ZNF674: variants seen among roughly 807,000 people sequenced by gnomAD.
ZNF674 encodes zinc finger family member 674.
Under a neutral mutation model 7.0 loss-of-function variants are expected in ZNF674, and 2 were observed. The ratio of observed to expected loss-of-function variants is 0.29; its 90% confidence interval spans 0.12 to 0.90. The LOEUF (loss-of-function observed/expected upper bound fraction) is 0.90. ZNF674 is among the 40% of genes least tolerant of loss of function. The pLI is 0.57. For synonymous variants in ZNF674, 103 were observed against 145.2 expected, an observed-to-expected ratio of 0.71 and a Z score of 2.09; for missense variants, 297 against 415.5, an observed-to-expected ratio of 0.71 and a Z score of 2.48.
chrX:46,518,184 C>G (rs1476490352), intron 5 of ZNF674, among the ~76,000 whole-genome samples: 3 of 110,660 alleles, frequency 2.7e-5, no homozygotes, highest in Admixed American at 9.7e-5. Context: ...ACAGAAATGG[C>G]AAAATATATG....
chrX:46,526,199 C>A (rs1296889906), intron 5 of ZNF674, among the ~76,000 whole-genome samples: 1 of 112,095 alleles, frequency 8.9e-6, no homozygotes, highest in African/African-American at 3.2e-5. Context: ...AAAACTCATA[C>A]TTCCTGATTT....
chrX:46,543,928 C>T (rs563900063), intron 2 of ZNF674, among the ~76,000 whole-genome samples: 3 of 112,658 alleles, frequency 2.7e-5, no homozygotes, highest in African/African-American at 9.7e-5. Context: ...TCAGGATGAA[C>T]GGACACTCAG....
At chrX:46,541,630 A>G (rs1030755337) in intron 3 of ZNF674, among the ~76,000 whole-genome samples, 4 of 111,881 alleles carry the variant, frequency 3.6e-5, no homozygotes, top group Non-Finnish European at 7.5e-5. Flanking sequence ...GTTTCACCCA[A>G]CTGTTAACAG....
chrX:46,523,171 T>C, intron 5 of ZNF674: 1 of 229,972 alleles, frequency 4.3e-6, no homozygotes, highest in Non-Finnish European at 8.1e-6. Flanking sequence ...ATAAACACAA[T>C]CAAAAGCTGG....
chrX:46,544,513 C>G lies in ZNF674; in HGVS notation c.-42G>C, dbSNP rs1356261476. 1 of 112,193 alleles carries G rather than the reference C, an allele frequency of 8.9e-6. No individual in the cohort carries two copies. Among genetic ancestry groups the G allele is most frequent in the African/African-American group, 3.2e-5 (1 of 30,853 alleles). 9.2% of individuals were successfully genotyped at this position (112,193 alleles called of 1,213,427 possible). A position where few individuals can be genotyped will look rare whatever the true frequency, so the allele number is the denominator to read the frequency against. Reference sequence around the variant, plus strand: ...CCAGGGAACTCACCTCTTCCTGGGGCCTCAGCCTAAGTCTTCTGCGACTAA... The same window carrying G: ...CCAGGGAACTCACCTCTTCCTGGGGGCTCAGCCTAAGTCTTCTGCGACTAA... On this transcript the variant is annotated 5_prime_UTR_variant, in exon 2 of 6. Coordinates refer to ENST00000683375, the MANE Select transcript of ZNF674 (RefSeq NM_001190417.2).
chrX:46,507,027 A>C (rs1941553120), intron 5 of ZNF674, among the ~76,000 whole-genome samples: 1 of 111,470 alleles, frequency 9.0e-6, no homozygotes, highest in African/African-American at 3.3e-5. Context: ...ACTGGTGATA[A>C]GTATATGGAG....
At chrX:46,525,546 C>T (rs1163411661) in intron 5 of ZNF674, 3 of 111,072 alleles carry the variant, frequency 2.7e-5, no homozygotes, top group South Asian at 3.3e-4. Flanking sequence ...ACCCAGGAGG[C>T]GGAGGTTGTG....
intron 5 of ZNF674, among the ~76,000 whole-genome samples, chrX:46,505,768 T>TCTCACACACACACACACA (rs377176227): frequency 3.0e-5 from 3 of 100,244 alleles, no homozygotes; most frequent in African/African-American, 1.1e-4. Flanking sequence ...CAAAACTCTG[T>TCTCACACACACACACACA]CACACACACA....
intron 3 of ZNF674, among the ~76,000 whole-genome samples, chrX:46,541,064 A>T (rs1362870731): frequency 2.8e-5 from 2 of 72,387 alleles, no homozygotes; most frequent in Non-Finnish European, 5.1e-5. Context: ...AACTCCATTT[A>T]AAAAAAAAAA....
chrX:46,543,047 T>A (rs1050657593), intron 2 of ZNF674, among the ~76,000 whole-genome samples: 1 of 110,666 alleles, frequency 9.0e-6, no homozygotes, highest in Non-Finnish European at 1.9e-5. Flanking sequence ...ACCTCCCGGG[T>A]TCAAGCGATT....
rs1285170862 is a variant in ZNF674 at position 46,497,805 on chromosome X, T to C, written c.*2038A>G. ...TTTTTACACATCAATAATCCCCACA[T>C]TCAAATGCCAATTTACTTAATAATT... On this transcript the variant is annotated 3_prime_UTR_variant, in exon 6 of 6. Coordinates refer to ENST00000683375, the MANE Select transcript of ZNF674 (RefSeq NM_001190417.2). 1 of 111,229 alleles carries C rather than the reference T, an allele frequency of 9.0e-6. No individual in the cohort carries two copies. The highest frequency in any genetic ancestry group is 3.3e-5 in the African/African-American group (1 of 30,626). 9.2% of individuals were successfully genotyped at this position (111,229 alleles called of 1,213,427 possible).
chrX:46,529,360 A>G (rs1942067183), intron 3 of ZNF674: 2 of 139,701 alleles, frequency 1.4e-5, no homozygotes, highest in Non-Finnish European at 2.9e-5. Context: ...AAGTCCTGTG[A>G]CATAAAGATT....
chrX:46,533,829 AAT>A lies in ZNF674; in HGVS notation c.16-4922_16-4921del, dbSNP rs1197442802. On this transcript the variant is annotated intron_variant, in intron 3 of 5. Coordinates refer to ENST00000683375, the MANE Select transcript of ZNF674 (RefSeq NM_001190417.2). The stretch of plus-strand genomic sequence containing the variant: ...CCTGTCTCAAAAAAAAAAAAAAAAA[AAT>A]ATATATATATATATATATATATACA... Among the ~76,000 whole-genome samples, 43 of 65,539 alleles carry A rather than the reference AAT, an allele frequency of 6.6e-4. 1 individual carries two copies. The highest frequency in any genetic ancestry group is 9.8e-4 in the African/African-American group (10 of 10,173). 56.9% of individuals were successfully genotyped at this position (65,539 alleles called of 115,157 possible). A position where few individuals can be genotyped will look rare whatever the true frequency, so the allele number is the denominator to read the frequency against.
At chrX:46,517,805 GAGA>G (rs1395178566) in intron 5 of ZNF674, 1 of 111,807 alleles carries the variant, frequency 8.9e-6, no homozygotes, top group African/African-American at 3.2e-5. Context: ...GAACAATACA[GAGA>G]AGATTAGCAT....
intron 5 of ZNF674, among the ~76,000 whole-genome samples, chrX:46,512,824 C>T (rs1941686150): frequency 9.1e-6 from 1 of 109,502 alleles, no homozygotes; most frequent in Non-Finnish European, 1.9e-5. Context: ...GATTATTTTA[C>T]AATTAAAACT....
chrX:46,503,689 T>G (rs1304598143), intron 5 of ZNF674, among the ~76,000 whole-genome samples: 2 of 111,742 alleles, frequency 1.8e-5, no homozygotes, highest in Non-Finnish European at 3.8e-5. Context: ...GGCAAGATAA[T>G]GCTTATATGC....
intron 5 of ZNF674, among the ~76,000 whole-genome samples, chrX:46,519,239 TAGATAGATAGATAGATAGATAGATA>T (rs1941837575): frequency 2.8e-5 from 2 of 72,417 alleles, no homozygotes; most frequent in Non-Finnish European, 5.4e-5. Flanking sequence ...GATAGATAGA[TAGATAGATAGATAGATAGATAGATA>T]AAGATAGATG....
chrX:46,520,556 G>C (rs1429822984), intron 5 of ZNF674, among the ~76,000 whole-genome samples: 1 of 111,517 alleles, frequency 9.0e-6, no homozygotes, highest in African/African-American at 3.3e-5. Flanking sequence ...ATTGGATAAA[G>C]GGTACATTAC....
At position 46,528,762 on chromosome X, in the gene ZNF674, C is replaced by G. The variant is rs771903990; in HGVS notation, c.142+21G>C. The G allele has an allele frequency of 3.3e-6, 4 of 1,209,310 alleles. No homozygotes were observed. The East Asian group carries it at 1.2e-4, about 36-fold the overall frequency. On this transcript the variant is annotated intron_variant, in intron 4 of 5. Transcript: ENST00000683375. Reference sequence around the variant, plus strand: ...ACAGTACTGGAGGCATTCTGCATCACCCTGTGGCGCGGTCCCTCACCCACG... The same window carrying G: ...ACAGTACTGGAGGCATTCTGCATCAGCCTGTGGCGCGGTCCCTCACCCACG...
Sources: gnomAD v4.1 joint callset for allele counts (sites outside exome capture counted in the v4.1 genomes callset) on GRCh38, gnomAD v4.1.1 for gene constraint, MANE v1.5 for transcripts, NCBI Gene and HGNC (gene_info 2026-07-23, HGNC 2026-07-21) for gene names.